PLB1: variants seen among roughly 807,000 people sequenced by gnomAD.
The protein encoded by PLB1 is phospholipase B1, membrane-associated.
PLB1 carries 242 observed loss-of-function variants against 227.4 expected under a neutral mutation model. The observed-to-expected ratio is 1.06, with a 90% CI of 0.96 to 1.18. The LOEUF (loss-of-function observed/expected upper bound fraction) is 1.18. Ranked by LOEUF, PLB1 falls within the 50% of genes most tolerant of loss-of-function variation. The probability of loss-of-function intolerance (pLI) is 0.00; values close to 1 mark genes in which losing one functional copy is unlikely to be tolerated. For synonymous variants in PLB1, 757 were observed against 682.2 expected (o/e 1.11, Z -1.71); for missense variants, 1,858 against 1,816.3 (o/e 1.02, Z -0.42).
At chr2:28,582,033 A>G in intron 23 of PLB1, 35 bp from the exon 24 acceptor site, 2 of 1,583,448 alleles carry the variant, frequency 1.3e-6, no homozygotes, top group Non-Finnish European at 1.7e-6. Flanking sequence ...ATTAGGTGAC[A>G]AATGGTGTTC....
Position 28,582,484 on chromosome 2 carries a change from A to C in PLB1, c.1712A>C (p.Tyr571Ser). The change falls in exon 25 of 58, where the codon TAC (tyrosine) becomes TCC (serine). Residue 571 changes from tyrosine (Y) to serine (S), a missense_variant. Transcript: ENST00000327757. ...LRELYQEKKV[Y>S]CPRMILRSLC... ...GAGCTGTACCAGGAGAAAAAAGTCT[A>C]CTGCCCAAGGATGATCCTCAGGTCA... 6.2e-7 allele frequency: 1 copy of C among 1,609,890 alleles called. No individual in the cohort carries two copies. The highest frequency in any genetic ancestry group is 1.7e-5 in the Admixed American group (1 of 59,650).
rs139289293 is a variant in PLB1 at position 28,532,264 on chromosome 2, TG to T, written c.555+71del. On this transcript the variant is annotated intron_variant, in intron 9 of 57. Coordinates refer to ENST00000327757, the MANE Select transcript of PLB1 (RefSeq NM_153021.5). ...GGAGAGGGAGTGAACTAAACCTGCC[TG>T]ATTACCCAATCCCCAGCTGTCAGGA... 287 of 1,265,276 alleles carry T rather than the reference TG, an allele frequency of 2.3e-4. 1 individual carries two copies. In the African/African-American group the frequency reaches 4.1e-3, roughly 18 times the overall value. The allele number at this position is 1,265,276 out of a possible 1,614,324, so 78.4% of individuals were successfully genotyped here.
intron 47 of PLB1, 62 bp from the exon 48 acceptor site, chr2:28,620,538 T>C (rs1010208897): frequency 1.3e-6 from 2 of 1,557,702 alleles, no homozygotes; most frequent in Admixed American, 1.9e-5. Context: ...GGCTTGTGCA[T>C]ATGTTGACAC....
chr2:28,627,302 C>T (rs192651184), intron 51 of PLB1, among the ~76,000 whole-genome samples: 11 of 147,038 alleles, frequency 7.5e-5, no homozygotes, highest in African/African-American at 2.7e-4. Flanking sequence ...GTGACCCTAA[C>T]TCATGGGGAT....
chr2:28,579,517 A>T, intron 22 of PLB1, 110 bp from the exon 23 acceptor site: 1 of 782,522 alleles, frequency 1.3e-6, no homozygotes, highest in Non-Finnish European at 2.2e-6. Flanking sequence ...GAAGTCCATG[A>T]GACACTCTGG....
intron 17 of PLB1, among the ~76,000 whole-genome samples, chr2:28,559,068 C>T (rs1391863523): frequency 6.6e-6 from 1 of 152,196 alleles, no homozygotes; most frequent in African/African-American, 2.4e-5. Flanking sequence ...CTTTGTTGCC[C>T]AGGCTGGAGT....
At chr2:28,545,647 G>GAA (rs1673138110) in intron 14 of PLB1, among the ~76,000 whole-genome samples, 1 of 152,166 alleles carries the variant, frequency 6.6e-6, no homozygotes, top group Non-Finnish European at 1.5e-5. Flanking sequence ...GAAAATATGG[G>GAA]AGGGCATTGG....
chr2:28,528,260 C>T (rs188902562), intron 6 of PLB1, among the ~76,000 whole-genome samples: 62 of 152,256 alleles, frequency 4.1e-4, no homozygotes, highest in African/African-American at 1.3e-3. Context: ...CAGGAAGCCC[C>T]GAGGCACTTC....
At chr2:28,587,605 CT>C (rs1681120628) in intron 26 of PLB1, among the ~76,000 whole-genome samples, 2 of 130,718 alleles carry the variant, frequency 1.5e-5, no homozygotes, top group Non-Finnish European at 3.1e-5. Context: ...GTGAGACTGT[CT>C]CAAAAAAAAA....
chr2:28,549,638 C>T (rs777093406), intron 15 of PLB1, among the ~76,000 whole-genome samples: 69 of 152,120 alleles, frequency 4.5e-4, no homozygotes, highest in Non-Finnish European at 5.9e-4. Context: ...ATTTGGCTTT[C>T]TTGATGAATT....
Position 28,643,109 on chromosome 2 carries a change from ACCGCCCT to A in PLB1, c.*50_*56del. On this transcript the variant is annotated 3_prime_UTR_variant, in exon 58 of 58. Transcript: ENST00000327757. ...TAAACTCCCTATAGCCACTCTCTTC[ACCGCCCT>A]CTGCCCCAGCCACTCCCGGCCACCA... 1 of 1,478,076 alleles carries A rather than the reference ACCGCCCT, an allele frequency of 6.8e-7. No homozygotes were observed. Among genetic ancestry groups the A allele is most frequent in the Non-Finnish European group, 9.1e-7 (1 of 1,101,242 alleles). The allele number at this position is 1,478,076 out of a possible 1,614,324, so 91.6% of individuals were successfully genotyped here.
At chr2:28,557,070 AC>A (rs1675256584) in intron 17 of PLB1, among the ~76,000 whole-genome samples, 1 of 151,954 alleles carries the variant, frequency 6.6e-6, no homozygotes, top group African/African-American at 2.4e-5. Context: ...GACTTGACCT[AC>A]CCTATCATCA....
intron 23 of PLB1, 71 bp downstream of exon 23, chr2:28,579,778 G>T: frequency 7.6e-7 from 1 of 1,323,476 alleles, no homozygotes; most frequent in Non-Finnish European, 1.1e-6. Context: ...CACTTGCTCT[G>T]CCCGGGAGGA....
intron 1 of PLB1, among the ~76,000 whole-genome samples, chr2:28,499,980 AT>A (rs1278379291): frequency 8.5e-5 from 12 of 140,936 alleles, no homozygotes; most frequent in Non-Finnish European, 3.2e-5. Context: ...AGAAACCTTT[AT>A]TCCAAATTTG....
At chr2:28,613,200 C>T (rs1175137437) in intron 43 of PLB1, among the ~76,000 whole-genome samples, 1 of 152,218 alleles carries the variant, frequency 6.6e-6, no homozygotes, top group Admixed American at 6.5e-5. Context: ...GCTGGGAATA[C>T]AGGCATGGGC....
chr2:28,626,616 A>G, intron 51 of PLB1, 108 bp downstream of exon 51: 1 of 972,010 alleles, frequency 1.0e-6, no homozygotes. Context: ...TGCTCATGGG[A>G]ACCACATTTG....
intron 20 of PLB1, among the ~76,000 whole-genome samples, chr2:28,567,626 A>G (rs1573023732): frequency 6.6e-6 from 1 of 151,974 alleles, no homozygotes; most frequent in East Asian, 1.9e-4. Flanking sequence ...GGCCCCCGCC[A>G]CCACACCCAG....
chr2:28,535,109 T>C lies in PLB1; in HGVS notation c.555+2915T>C, dbSNP rs1478822038. On this transcript the variant is annotated intron_variant, in intron 9 of 57. Transcript: ENST00000327757. ...GAAATTCCTGCAAGATCTAGTCATG[T>C]TGATGACATATGAATTGAGTTTATT... Among the ~76,000 whole-genome samples, 3 of 152,246 alleles carry C rather than the reference T, an allele frequency of 2.0e-5. No homozygotes were observed. The East Asian group carries it at 5.8e-4, about 29-fold the overall frequency.
intron 46 of PLB1, among the ~76,000 whole-genome samples, 171 bp from the exon 47 acceptor site, chr2:28,620,094 G>A (rs1233554046): frequency 1.3e-5 from 2 of 150,958 alleles, no homozygotes; most frequent in Admixed American, 1.3e-4. Context: ...AAAGAACTGA[G>A]GAGAAGAATG....
Sources: gnomAD v4.1 joint callset for allele counts (sites outside exome capture counted in the v4.1 genomes callset) on GRCh38, gnomAD v4.1.1 for gene constraint, MANE v1.5 for transcripts, NCBI Gene and HGNC (gene_info 2026-07-23, HGNC 2026-07-21) for gene names.